The following C12orf42 variants were observed in gnomAD, a reference collection of about 807,000 sequenced individuals.
The protein encoded by C12orf42 is chromosome 12 open reading frame 42.
In C12orf42, 25 loss-of-function variants were observed where a neutral mutation model predicts 21.6. The ratio of observed to expected loss-of-function variants is 1.16; its 90% CI spans 0.84 to 1.62. The LOEUF is 1.62. C12orf42 is among the 40% of genes most tolerant of loss of function. C12orf42 has a pLI of 0.00. For synonymous variants in C12orf42, 174 were observed against 175.0 expected, an observed-to-expected ratio of 0.99 and a Z score of 0.05; for missense variants, 483 against 459.3, an observed-to-expected ratio of 1.05 and a Z score of -0.47.
chr12:103,158,235 T>C, the C12orf42 span, among the ~76,000 whole-genome samples: 1 of 152,192 alleles, frequency 6.6e-6, no homozygotes, highest in Non-Finnish European at 1.5e-5. Flanking sequence ...TCAGAGACTT[T>C]ATTTAATTTT....
At chr12:103,157,922 A>G in the C12orf42 span, among the ~76,000 whole-genome samples, 1 of 152,254 alleles carries the variant, frequency 6.6e-6, no homozygotes, top group Non-Finnish European at 1.5e-5. Flanking sequence ...ATGGAAATTC[A>G]GAAATAGTAA....
intron 2 of C12orf42, among the ~76,000 whole-genome samples, chr12:103,442,451 C>G (rs1299414197): frequency 1.3e-5 from 2 of 152,106 alleles, no homozygotes; most frequent in African/African-American, 2.4e-5. Context: ...AGGCTGAAGA[C>G]AAGGAGGCTT....
intron 3 of C12orf42, among the ~76,000 whole-genome samples, chr12:103,391,345 A>C (rs1471264292): frequency 1.3e-5 from 2 of 152,196 alleles, no homozygotes; most frequent in Admixed American, 6.5e-5. Context: ...AGGAAACACC[A>C]AACTGTATTA....
the C12orf42 span, among the ~76,000 whole-genome samples, chr12:103,161,265 G>A: frequency 3.3e-5 from 5 of 152,102 alleles, no homozygotes; most frequent in Non-Finnish European, 7.4e-5. Context: ...AAATAGTTAA[G>A]CATTGAAAGG....
the C12orf42 span, among the ~76,000 whole-genome samples, chr12:103,185,078 C>T: frequency 2.1e-3 from 325 of 151,974 alleles, 1 homozygote; most frequent in African/African-American, 7.3e-3. Context: ...TATGGTAGCC[C>T]TAAAAAAACT....
the C12orf42 span, among the ~76,000 whole-genome samples, chr12:103,071,432 G>A: frequency 6.6e-6 from 1 of 152,046 alleles, no homozygotes; most frequent in Non-Finnish European, 1.5e-5. Context: ...CTGATTTAGG[G>A]GTTGAAATCA....
the C12orf42 span, among the ~76,000 whole-genome samples, chr12:103,560,106 A>G: frequency 1.3e-5 from 2 of 152,368 alleles, no homozygotes; most frequent in African/African-American, 4.8e-5. Flanking sequence ...AAATAATAAA[A>G]GCCCTTTATA....
chr12:103,166,122 G>A, the C12orf42 span, among the ~76,000 whole-genome samples: 3 of 152,032 alleles, frequency 2.0e-5, no homozygotes, highest in Admixed American at 2.0e-4. Context: ...AGTGTGAGTA[G>A]AAACACAGGC....
At chr12:103,548,167 T>C in the C12orf42 span, among the ~76,000 whole-genome samples, 1 of 152,166 alleles carries the variant, frequency 6.6e-6, no homozygotes, top group Non-Finnish European at 1.5e-5. Flanking sequence ...GAGCAAGAGC[T>C]CCCCAACGTG....
At chr12:103,081,290 A>T in the C12orf42 span, 1 of 152,296 alleles carries the variant, frequency 6.6e-6, no homozygotes, top group African/African-American at 2.4e-5. Context: ...GTGCAAACAT[A>T]TTAGGTATTC....
At chr12:103,093,208 C>T in the C12orf42 span, among the ~76,000 whole-genome samples, 1 of 152,222 alleles carries the variant, frequency 6.6e-6, no homozygotes, top group South Asian at 2.1e-4. Context: ...TCCTATGAGT[C>T]TCCAATTCAG....
intron 4 of C12orf42, among the ~76,000 whole-genome samples, chr12:103,350,940 T>C (rs952415369): frequency 1.3e-5 from 2 of 152,138 alleles, no homozygotes; most frequent in African/African-American, 4.8e-5. Context: ...CAGAGTTCTT[T>C]GTATAACTAG....
chr12:103,297,360 T>C (rs1259526923), downstream of C12orf42, among the ~76,000 whole-genome samples: 1 of 152,032 alleles, frequency 6.6e-6, no homozygotes, highest in Non-Finnish European at 1.5e-5. Context: ...TTTGGTTCCA[T>C]ATGAACTTTA....
At chr12:103,517,591 C>A in the C12orf42 span, among the ~76,000 whole-genome samples, 3 of 152,096 alleles carry the variant, frequency 2.0e-5, no homozygotes, top group African/African-American at 7.2e-5. Context: ...ACCAACACTT[C>A]TTTTCTGATT....
At chr12:103,100,841 G>C in the C12orf42 span, among the ~76,000 whole-genome samples, 1,907 of 152,284 alleles carry the variant, frequency 0.013, 39 homozygotes, top group African/African-American at 0.044. Flanking sequence ...CTGTATAATA[G>C]TGTGTTGGAG....
At chr12:103,306,745 C>T (rs1225751480) in intron 4 of C12orf42, among the ~76,000 whole-genome samples, 1 of 152,122 alleles carries the variant, frequency 6.6e-6, no homozygotes, top group African/African-American at 2.4e-5. Flanking sequence ...TATTAAAGTC[C>T]TAACCCGCAG....
At chr12:103,169,313 C>G in the C12orf42 span, among the ~76,000 whole-genome samples, 5 of 152,046 alleles carry the variant, frequency 3.3e-5, no homozygotes, top group African/African-American at 1.2e-4. Flanking sequence ...TCAAGCTCAT[C>G]TATAAAACCA....
At chr12:103,455,417 T>G (rs187484917) in intron 2 of C12orf42, among the ~76,000 whole-genome samples, 79 of 152,306 alleles carry the variant, frequency 5.2e-4, no homozygotes, top group African/African-American at 1.7e-3. Flanking sequence ...CTCCAAGTTT[T>G]AATGGGGCTG....
At chr12:103,433,154 T>C (rs1950393809) in intron 2 of C12orf42, among the ~76,000 whole-genome samples, 1 of 152,208 alleles carries the variant, frequency 6.6e-6, no homozygotes. Flanking sequence ...TCCGAGCACC[T>C]AGCACAATTC....
Sources: allele counts gnomAD v4.1 joint callset (sites outside exome capture counted in the v4.1 genomes callset), GRCh38; gene constraint gnomAD v4.1.1; transcripts MANE v1.5; gene names NCBI Gene and HGNC (gene_info 2026-07-23, HGNC 2026-07-21).